The following CSMD1 variants were observed in gnomAD, a reference collection of about 807,000 sequenced individuals.
CSMD1 encodes CUB and sushi domain-containing protein 1.
CSMD1 carries 213 observed loss-of-function variants against 417.5 expected under a neutral mutation model. That is an observed-to-expected ratio of 0.51 (90% CI 0.46 to 0.57). The LOEUF is 0.57. CSMD1 is among the 20% of genes least tolerant of loss of function. The pLI, the probability that CSMD1 is intolerant of heterozygous loss-of-function variation, is 0.00. For synonymous variants in CSMD1, 2,862 were observed against 1,736.8 expected (o/e 1.65, Z -16.11); for missense variants, 6,923 against 4,529.7 (o/e 1.53, Z -15.17).
At chr8:4,964,870 G>A (rs77537651) in intron 1 of CSMD1, among the ~76,000 whole-genome samples, 210 of 152,288 alleles carry the variant, frequency 1.4e-3, no homozygotes, top group African/African-American at 4.8e-3. Context: ...TGCTCCAGCT[G>A]TATTTGATGG....
chr8:3,897,150 G>A (rs374282969), intron 5 of CSMD1, among the ~76,000 whole-genome samples: 1 of 152,158 alleles, frequency 6.6e-6, no homozygotes, highest in Non-Finnish European at 1.5e-5. Flanking sequence ...TTTAAAACAG[G>A]AGTCTGAATT....
chr8:3,777,507 C>G (rs1286096676), intron 5 of CSMD1, among the ~76,000 whole-genome samples: 1 of 152,180 alleles, frequency 6.6e-6, no homozygotes, highest in East Asian at 1.9e-4. Flanking sequence ...TGAGGATGCT[C>G]TGAGCACCAT....
At chr8:4,285,080 G>A (rs999900158) in intron 3 of CSMD1, among the ~76,000 whole-genome samples, 2 of 152,164 alleles carry the variant, frequency 1.3e-5, no homozygotes, top group African/African-American at 4.8e-5. Context: ...TGCCTAGTGT[G>A]TAGGAAAGTT....
At chr8:4,343,883 T>C (rs1800628596) in intron 3 of CSMD1, among the ~76,000 whole-genome samples, 1 of 152,156 alleles carries the variant, frequency 6.6e-6, no homozygotes, top group Non-Finnish European at 1.5e-5. Flanking sequence ...GTCAACTCAA[T>C]AACTAATTTT....
intron 1 of CSMD1, among the ~76,000 whole-genome samples, chr8:4,776,421 G>C (rs1174502847): frequency 6.6e-6 from 1 of 152,094 alleles, no homozygotes; most frequent in South Asian, 2.1e-4. Flanking sequence ...TGCCTCTAGA[G>C]AATTCTTCGG....
At chr8:4,922,234 C>T (rs575723000) in intron 1 of CSMD1, among the ~76,000 whole-genome samples, 1 of 152,142 alleles carries the variant, frequency 6.6e-6, no homozygotes, top group South Asian at 2.1e-4. Flanking sequence ...AATGTACCTT[C>T]AGTTCTAATG....
chr8:3,527,296 C>T (rs987901693), intron 10 of CSMD1, among the ~76,000 whole-genome samples: 2 of 152,174 alleles, frequency 1.3e-5, no homozygotes, highest in Non-Finnish European at 2.9e-5. Flanking sequence ...GCTAATCTGA[C>T]ATCATATTCA....
chr8:3,370,523 G>A (rs753834223), intron 18 of CSMD1, among the ~76,000 whole-genome samples: 3 of 152,140 alleles, frequency 2.0e-5, no homozygotes, highest in Admixed American at 6.5e-5. Context: ...AGTGTGACTG[G>A]GCTAAGGGCT....
chr8:4,956,514 C>T (rs1455455637), intron 1 of CSMD1, among the ~76,000 whole-genome samples: 1 of 148,390 alleles, frequency 6.7e-6, no homozygotes, highest in African/African-American at 2.5e-5. Context: ...ATCATATACA[C>T]ACGTATTTTA....
At chr8:4,135,818 A>T (rs1458290138) in intron 3 of CSMD1, among the ~76,000 whole-genome samples, 1 of 152,202 alleles carries the variant, frequency 6.6e-6, no homozygotes, top group Non-Finnish European at 1.5e-5. Flanking sequence ...ATTTTTAAAC[A>T]ATGGGATAGA....
intron 2 of CSMD1, among the ~76,000 whole-genome samples, chr8:4,566,563 G>A (rs1189334255): frequency 6.8e-6 from 1 of 147,398 alleles, no homozygotes; most frequent in Non-Finnish European, 1.5e-5. Flanking sequence ...TGAGGCAGGA[G>A]AGTGGCGTGA....
chr8:4,863,799 TGAATA>T (rs1450639873), intron 1 of CSMD1, among the ~76,000 whole-genome samples: 1 of 152,100 alleles, frequency 6.6e-6, no homozygotes, highest in Non-Finnish European at 1.5e-5. Flanking sequence ...GGAGTACATT[TGAATA>T]GAACATGAAA....
At chr8:4,859,149 A>T (rs185094907) in intron 1 of CSMD1, among the ~76,000 whole-genome samples, 2,475 of 152,170 alleles carry the variant, frequency 0.016, 29 homozygotes, top group Non-Finnish European at 0.024. Flanking sequence ...AAACCTGAGA[A>T]AAACAAGCAA....
intron 7 of CSMD1, among the ~76,000 whole-genome samples, chr8:3,677,281 A>G (rs1377273493): frequency 2.0e-5 from 3 of 152,252 alleles, no homozygotes; most frequent in Admixed American, 6.5e-5. Context: ...CAGGAAAGTT[A>G]TGGTTCCAAC....
intron 5 of CSMD1, among the ~76,000 whole-genome samples, chr8:3,799,443 G>A (rs1165908746): frequency 7.8e-6 from 1 of 127,418 alleles, no homozygotes; most frequent in Non-Finnish European, 1.6e-5. Context: ...TCCCCTTCTT[G>A]TGTCCAAGTG....
At chr8:4,192,226 G>C (rs1367584071) in intron 3 of CSMD1, among the ~76,000 whole-genome samples, 2 of 152,162 alleles carry the variant, frequency 1.3e-5, no homozygotes, top group Non-Finnish European at 2.9e-5. Context: ...ATGATTGAAT[G>C]TTAACAAAAT....
At chr8:4,884,699 T>G (rs907895291) in intron 1 of CSMD1, among the ~76,000 whole-genome samples, 1 of 152,244 alleles carries the variant, frequency 6.6e-6, no homozygotes, top group African/African-American at 2.4e-5. Context: ...GGTTTATTTT[T>G]GGACTCTCAG....
intron 3 of CSMD1, among the ~76,000 whole-genome samples, chr8:4,265,466 T>G (rs1804182666): frequency 1.4e-5 from 1 of 69,970 alleles, no homozygotes; most frequent in African/African-American, 3.2e-5. Context: ...CCTCGACTGT[T>G]ATTGGTAAAA....
At chr8:3,725,431 G>C (rs942038755) in intron 6 of CSMD1, among the ~76,000 whole-genome samples, 2 of 152,180 alleles carry the variant, frequency 1.3e-5, no homozygotes, top group African/African-American at 2.4e-5. Flanking sequence ...GCAGAGATTT[G>C]GGACCAAAGC....
Sources: allele counts gnomAD v4.1 joint callset (sites outside exome capture counted in the v4.1 genomes callset), GRCh38; gene constraint gnomAD v4.1.1; transcripts MANE v1.5; gene names NCBI Gene and HGNC (gene_info 2026-07-23, HGNC 2026-07-21).